PANK2: variants seen among roughly 807,000 people sequenced by gnomAD.
PANK2 encodes the protein pantothenate kinase 2.
In PANK2, 36 loss-of-function variants were observed where a neutral mutation model predicts 43.1. The ratio of observed to expected loss-of-function variants is 0.84; its 90% CI spans 0.64 to 1.10. The LOEUF (loss-of-function observed/expected upper bound fraction) is 1.10. Ranked by LOEUF, PANK2 falls within the 50% of genes least tolerant of loss-of-function variation. The pLI is 0.00. For missense variants in PANK2, 576 were observed against 593.3 expected, an observed-to-expected ratio of 0.97 and a Z score of 0.30; for synonymous variants, 281 against 238.2, an observed-to-expected ratio of 1.18 and a Z score of -1.66.
chr20:3,898,648 C>A (rs1386098598), intron 1 of PANK2, among the ~76,000 whole-genome samples: 3 of 151,642 alleles, frequency 2.0e-5, no homozygotes, highest in Admixed American at 6.6e-5. Context: ...CTTTTTAATC[C>A]CAGAGTTAAT....
upstream of PANK2, chr20:3,889,194 AC>A: frequency 1.2e-6 from 2 of 1,611,900 alleles, no homozygotes; most frequent in Non-Finnish European, 1.7e-6. Flanking sequence ...CCTCCGCGGA[AC>A]CCGGATCCCC....
chr20:3,890,172 G>T (rs1467638352), intron 1 of PANK2, among the ~76,000 whole-genome samples: 2 of 152,100 alleles, frequency 1.3e-5, no homozygotes, highest in Admixed American at 1.3e-4. Context: ...TCAATTTCGG[G>T]CTTACTGGAA....
At chr20:3,889,891 G>C in intron 1 of PANK2, 163 bp downstream of exon 1, 2 of 1,532,522 alleles carry the variant, frequency 1.3e-6, no homozygotes, top group Non-Finnish European at 1.7e-6. Flanking sequence ...GGCCTCGGGT[G>C]CTCCGAAAGC....
intron 1 of PANK2, among the ~76,000 whole-genome samples, chr20:3,890,270 C>A (rs2146808507): frequency 6.6e-6 from 1 of 152,282 alleles, no homozygotes; most frequent in South Asian, 2.1e-4. Context: ...CGTGAGAATC[C>A]AGGTCATCTC....
chr20:3,889,023 C>G (rs2090059960), upstream of PANK2: 1 of 1,220,536 alleles, frequency 8.2e-7, no homozygotes, highest in East Asian at 2.6e-5. Flanking sequence ...CGGGGTGGGA[C>G]TCGGGGTCGC....
Position 3,925,918 on chromosome 20 carries a change from T to C in PANK2, c.*2624T>C, listed in dbSNP as rs2090713727. The C allele has an allele frequency of 6.6e-6, 1 of 152,416 alleles. No homozygotes were observed. The highest frequency in any genetic ancestry group is 2.1e-4 in the South Asian group (1 of 4,834). The allele number at this position is 152,416 out of a possible 1,614,324, so 9.4% of individuals were successfully genotyped here. A position where few individuals can be genotyped will look rare whatever the true frequency, so the allele number is the denominator to read the frequency against. The stretch of plus-strand genomic sequence containing the variant: ...GTGAGGTGCCCATAAACTCTGCTGT[T>C]ACCATTGCCACTTCCCTGTCTTAGC... On this transcript the variant is annotated 3_prime_UTR_variant, in exon 7 of 7. Coordinates refer to ENST00000610179, the MANE Select transcript of PANK2 (RefSeq NM_001386393.1).
intron 1 of PANK2, among the ~76,000 whole-genome samples, chr20:3,906,524 C>A (rs6037689): frequency 0.52 from 78,785 of 151,952 alleles, 20,852 homozygotes; most frequent in East Asian, 0.66. Flanking sequence ...TGCTTAGAAC[C>A]CTTATATTAG....
At chr20:3,922,494 G>GTTC (rs1379022557) in intron 6 of PANK2, among the ~76,000 whole-genome samples, 1 of 152,290 alleles carries the variant, frequency 6.6e-6, no homozygotes, top group East Asian at 1.9e-4. Context: ...TTTGCTCTTT[G>GTTC]TTCTGTACCT....
intron 1 of PANK2, among the ~76,000 whole-genome samples, chr20:3,902,443 C>T (rs919081088): frequency 2.0e-5 from 3 of 151,686 alleles, no homozygotes; most frequent in Non-Finnish European, 4.4e-5. Context: ...GATTTCCAGC[C>T]AATTTTTGTA....
rs763448788 is a variant in PANK2, at chr20:3,918,665, G to A, written c.1207-6G>A. 2 of 1,613,976 alleles carry A rather than the reference G, an allele frequency of 1.2e-6. No homozygotes were observed. The highest frequency in any genetic ancestry group is 4.5e-5 in the East Asian group (2 of 44,892). ...AAAACTAATTGCCTTTTTTTGGTGT[G>A]CTCAGAACATTAACCAGGTGGTATT... On this transcript the variant is annotated splice_region_variant and splice_polypyrimidine_tract_variant and intron_variant, in intron 5 of 6. Coordinates refer to ENST00000610179, the MANE Select transcript of PANK2 (RefSeq NM_001386393.1).
chr20:3,916,964 G>C lies in PANK2; in HGVS notation c.1120G>C (p.Val374Leu). 6.2e-7 allele frequency: 1 copy of C among 1,614,140 alleles called. No individual in the cohort carries two copies. The highest frequency in any genetic ancestry group is 1.7e-5 in the Admixed American group (1 of 60,012). ...GATGAGCAAGGAGAAGCGAGAGGCT[G>C]TCAGTAAAGAGGACCTGGCCAGAGC... The change falls in exon 5 of 7, where the codon GTC becomes CTC. Residue 374 changes from valine (V) to leucine (L), a missense_variant. Val to Leu is a conservative substitution (Grantham distance 32, BLOSUM62 1). Around this residue, in one of 2 missense-constraint regions of PANK2, gnomAD observed 544 missense variants for 528.9 expected, o/e 1.03. Coordinates refer to ENST00000610179, the MANE Select transcript of PANK2 (RefSeq NM_001386393.1).
At chr20:3,907,675 G>A (rs1229271630) in intron 1 of PANK2, among the ~76,000 whole-genome samples, 5 of 152,038 alleles carry the variant, frequency 3.3e-5, no homozygotes, top group Non-Finnish European at 5.9e-5. Flanking sequence ...AGTGCGGTTT[G>A]CGCTTGTCTG....
At chr20:3,897,439 G>A (rs183195963) in intron 1 of PANK2, among the ~76,000 whole-genome samples, 4 of 152,284 alleles carry the variant, frequency 2.6e-5, no homozygotes, top group Admixed American at 2.6e-4. Context: ...GTTAGCTCAC[G>A]TCTGTAATCT....
intron 1 of PANK2, among the ~76,000 whole-genome samples, chr20:3,899,173 C>G (rs1002687158): frequency 6.9e-6 from 1 of 144,968 alleles, no homozygotes; most frequent in Non-Finnish European, 1.5e-5. Flanking sequence ...CGTGCCCAGC[C>G]GGGTTTTTTT....
chr20:3,890,512 G>A (rs1382572547), intron 1 of PANK2, among the ~76,000 whole-genome samples: 1 of 152,166 alleles, frequency 6.6e-6, no homozygotes, highest in Admixed American at 6.5e-5. Context: ...ATTCAGGACC[G>A]CTGCCTGGCA....
At chr20:3,904,717 C>T (rs1470453768) in intron 1 of PANK2, among the ~76,000 whole-genome samples, 1 of 152,098 alleles carries the variant, frequency 6.6e-6, no homozygotes, top group African/African-American at 2.4e-5. Context: ...TTTGATTTTT[C>T]TCTATGGTAG....
intron 1 of PANK2, among the ~76,000 whole-genome samples, chr20:3,906,252 T>C (rs1427201291): frequency 6.6e-6 from 1 of 151,970 alleles, no homozygotes; most frequent in Non-Finnish European, 1.5e-5. Flanking sequence ...GGGGAAACCC[T>C]GTTTCTACAA....
chr20:3,889,753 C>T, intron 1 of PANK2, 25 bp downstream of exon 1: 1 of 1,577,012 alleles, frequency 6.3e-7, no homozygotes, highest in South Asian at 1.1e-5. Flanking sequence ...GGGCGCCCTC[C>T]CGGCCCGCCC....
Position 3,910,591 on chromosome 20 carries a change from G to C in PANK2, c.666G>C (p.Gln222His), listed in dbSNP as rs1256102655. ...TTTCATTACAGATAGGTGATCTTCA[G>C]CTTTGCAAACTGGATGAACTAGATT... The change falls in exon 3 of 7, where the codon CAG becomes CAC. Residue 222 changes from glutamine (Q) to histidine (H), a missense_variant. This residue lies in a region of PANK2 where 544 missense variants were observed against 528.9 expected (regional missense o/e 1.03). Transcript: ENST00000610179. 6.2e-7 allele frequency: 1 copy of C among 1,614,082 alleles called. No homozygotes were observed. Among genetic ancestry groups the C allele is most frequent in the Non-Finnish European group, 8.5e-7 (1 of 1,180,012 alleles).
Sources: allele counts gnomAD v4.1 joint callset (sites outside exome capture counted in the v4.1 genomes callset), GRCh38; gene constraint gnomAD v4.1.1; regional missense constraint gnomAD v4.1.1; transcripts MANE v1.5; gene names NCBI Gene and HGNC (gene_info 2026-07-23, HGNC 2026-07-21).